Variants in LATS1 observed in about 807,000 individuals in gnomAD.
The protein encoded by LATS1 is large tumor suppressor kinase 1, also known as serine/threonine-protein kinase LATS1.
In LATS1, 25 loss-of-function variants were observed where a neutral mutation model predicts 106.6. The observed-to-expected ratio is 0.23, with a 90% CI of 0.17 to 0.33. The LOEUF (loss-of-function observed/expected upper bound fraction) is 0.33, where lower values mean the gene tolerates loss of function less well. Among genes scored for constraint, LATS1 ranks in the 10% least tolerant of loss-of-function variants. LATS1 has a pLI of 1.00. For synonymous variants in LATS1, 465 were observed against 455.6 expected, an observed-to-expected ratio of 1.02 and a Z score of -0.26; for missense variants, 1,040 against 1,382.6, an observed-to-expected ratio of 0.75 and a Z score of 3.93.
At position 149,678,164 on chromosome 6, in the gene LATS1, C is replaced by CAAAAAAAAAAAAAAAAAA. The variant is rs56884854; in HGVS notation, c.2594-1445_2594-1428dup. 1.1e-4 allele frequency among the ~76,000 whole-genome samples: 5 copies of CAAAAAAAAAAAAAAAAAA among 43,516 alleles called. 1 individual carries two copies. Among genetic ancestry groups the CAAAAAAAAAAAAAAAAAA allele is most frequent in the Admixed American group, 3.0e-4 (1 of 3,360 alleles). The allele number at this position is 43,516 out of a possible 152,430, so 28.5% of individuals were successfully genotyped here. A position where few individuals can be genotyped will look rare whatever the true frequency, so the allele number is the denominator to read the frequency against. ...TGAAACCTGGTCTCTACTAAAAATC[C>CAAAAAAAAAAAAAAAAAA]AAAAAAAAAAAAAAAAAAAAAAAAA... On this transcript the variant is annotated intron_variant, in intron 5 of 7. Transcript: ENST00000543571.
At chr6:149,675,046 G>T (rs139848840) in intron 7 of LATS1, among the ~76,000 whole-genome samples, 1 of 151,940 alleles carries the variant, frequency 6.6e-6, no homozygotes, top group South Asian at 2.1e-4. Flanking sequence ...GTGAAACCTC[G>T]TCTCTACTAA....
At chr6:149,701,570 G>A (rs1297349258) in intron 2 of LATS1, among the ~76,000 whole-genome samples, 1 of 152,020 alleles carries the variant, frequency 6.6e-6, no homozygotes, top group Non-Finnish European at 1.5e-5. Context: ...AGAATTTAGT[G>A]ATACATATCA....
chr6:149,674,376 C>A (rs1008238160), intron 7 of LATS1, among the ~76,000 whole-genome samples: 3 of 151,746 alleles, frequency 2.0e-5, no homozygotes, highest in African/African-American at 4.8e-5. Flanking sequence ...CCACACCCAG[C>A]CAAATTTTTT....
At chr6:149,714,846 G>A (rs146119323) in intron 1 of LATS1, among the ~76,000 whole-genome samples, 2 of 152,174 alleles carry the variant, frequency 1.3e-5, no homozygotes, top group Non-Finnish European at 2.9e-5. Context: ...TGTGACAGAC[G>A]AAAATGGTAT....
chr6:149,676,492 T>C, intron 6 of LATS1, 63 bp downstream of exon 6: 2 of 1,496,780 alleles, frequency 1.3e-6, no homozygotes, highest in Admixed American at 1.8e-5. Flanking sequence ...ATAAGGCATA[T>C]TCTAGTGTCG....
At position 149,683,898 on chromosome 6, in the gene LATS1, A is replaced by T; in HGVS notation, c.1191T>A (p.Pro397=). 1 of 1,614,190 alleles carries T rather than the reference A, an allele frequency of 6.2e-7. No homozygotes were observed. Among genetic ancestry groups the T allele is most frequent in the Non-Finnish European group, 8.5e-7 (1 of 1,180,026 alleles). ...SALQTGGSAA[P]SSYTNGSIPQ... is the part of the protein sequence containing the mutation. ...GAATACTTCCATTTGTATATGACGAAGGAGCAGCAGATCCCCCTGTTTGTA... is the reference window on the plus strand; with the variant it reads ...GAATACTTCCATTTGTATATGACGATGGAGCAGCAGATCCCCCTGTTTGTA... The change falls in exon 4 of 8, where the codon CCT becomes CCA. Residue 397 remains proline, a synonymous_variant. Transcript: ENST00000543571.
At chr6:149,716,821 C>T (rs947082895) in intron 1 of LATS1, among the ~76,000 whole-genome samples, 4 of 152,254 alleles carry the variant, frequency 2.6e-5, no homozygotes, top group African/African-American at 9.6e-5. Flanking sequence ...ATCAACTACC[C>T]CATTTTACCG....
At chr6:149,691,416 T>G (rs1446115404) in intron 3 of LATS1, among the ~76,000 whole-genome samples, 2 of 152,238 alleles carry the variant, frequency 1.3e-5, no homozygotes, top group East Asian at 3.8e-4. Flanking sequence ...CCACCCAGTC[T>G]GTGTTATTTT....
chr6:149,669,257 C>G (rs1031799664), intron 7 of LATS1, among the ~76,000 whole-genome samples: 3 of 151,940 alleles, frequency 2.0e-5, no homozygotes, highest in Non-Finnish European at 4.4e-5. Context: ...CCTCAGCCTC[C>G]TGAGTAGCTG....
At chr6:149,687,847 C>A (rs1009656254) in intron 3 of LATS1, among the ~76,000 whole-genome samples, 1 of 151,064 alleles carries the variant, frequency 6.6e-6, no homozygotes, top group South Asian at 2.1e-4. Flanking sequence ...GGATTACAGG[C>A]GTGAGCCACC....
chr6:149,709,414 C>A (rs1783964977), intron 1 of LATS1, among the ~76,000 whole-genome samples: 1 of 152,214 alleles, frequency 6.6e-6, no homozygotes, highest in South Asian at 2.1e-4. Flanking sequence ...AACAGTCCTG[C>A]AAAGCTGTCT....
At chr6:149,670,916 A>AG (rs1214037710) in intron 7 of LATS1, among the ~76,000 whole-genome samples, 12 of 151,738 alleles carry the variant, frequency 7.9e-5, no homozygotes, top group African/African-American at 2.9e-4. Flanking sequence ...GTAGAGGGAA[A>AG]GTTCTTAGTT....
chr6:149,662,322 T>C lies in LATS1; in HGVS notation c.2884-84A>G, dbSNP rs540255799. 1.6e-5 allele frequency: 18 copies of C among 1,145,144 alleles called. No individual in the cohort carries two copies. In the African/African-American group the frequency reaches 2.7e-4, roughly 17 times the overall value. 70.9% of individuals were successfully genotyped at this position (1,145,144 alleles called of 1,614,324 possible). A position where few individuals can be genotyped will look rare whatever the true frequency, so the allele number is the denominator to read the frequency against. ...TCAAGTTTTATACCAAAAGTCTCACTGGGCTATTTTTGTATTTTAAATAAA... is the reference window on the plus strand; with the variant it reads ...TCAAGTTTTATACCAAAAGTCTCACCGGGCTATTTTTGTATTTTAAATAAA... On this transcript the variant is annotated intron_variant, in intron 7 of 7. Coordinates refer to ENST00000543571, the MANE Select transcript of LATS1 (RefSeq NM_004690.4).
chr6:149,672,439 C>G (rs1055325667), intron 7 of LATS1, among the ~76,000 whole-genome samples: 2 of 150,862 alleles, frequency 1.3e-5, no homozygotes, highest in African/African-American at 4.9e-5. Context: ...AAACTCCTGA[C>G]CTCAGGTGAT....
At chr6:149,697,249 T>C (rs1783153872) in intron 2 of LATS1, 2 of 702,618 alleles carry the variant, frequency 2.8e-6, no homozygotes, top group African/African-American at 1.8e-5. Flanking sequence ...TAAGAACTTA[T>C]TGCCTACCTA....
At chr6:149,664,089 C>T (rs997271281) in intron 7 of LATS1, among the ~76,000 whole-genome samples, 4 of 150,528 alleles carry the variant, frequency 2.7e-5, no homozygotes, top group Admixed American at 6.6e-5. Flanking sequence ...TAATTACAGG[C>T]GTGAGTCACT....
At chr6:149,699,499 A>G (rs547747259) in intron 2 of LATS1, among the ~76,000 whole-genome samples, 10 of 152,200 alleles carry the variant, frequency 6.6e-5, no homozygotes, top group African/African-American at 1.9e-4. Context: ...AAATAAATAA[A>G]TAACACCATA....
chr6:149,669,044 A>G (rs943745854), intron 7 of LATS1, among the ~76,000 whole-genome samples: 1 of 151,912 alleles, frequency 6.6e-6, no homozygotes, highest in African/African-American at 2.4e-5. Flanking sequence ...GCCGATCTCA[A>G]ACTCCTGGGT....
chr6:149,699,296 T>G (rs1783300790), intron 2 of LATS1, among the ~76,000 whole-genome samples: 1 of 152,114 alleles, frequency 6.6e-6, no homozygotes, highest in Admixed American at 6.6e-5. Flanking sequence ...AATAATACCA[T>G]ACTTCTGCAC....
Sources: gnomAD v4.1 joint callset for allele counts (sites outside exome capture counted in the v4.1 genomes callset) on GRCh38, gnomAD v4.1.1 for gene constraint, MANE v1.5 for transcripts, NCBI Gene and HGNC (gene_info 2026-07-23, HGNC 2026-07-21) for gene names.